The following CDK14 variants were observed in gnomAD, a reference collection of about 807,000 sequenced individuals.
CDK14 encodes the protein cyclin-dependent kinase 14.
Under a neutral mutation model 60.7 loss-of-function variants are expected in CDK14, and 34 were observed. The observed-to-expected ratio is 0.56, with a 90% CI of 0.43 to 0.75. The LOEUF is 0.75. CDK14 is among the 30% of genes least tolerant of loss of function. The probability of loss-of-function intolerance (pLI) is 0.00; values close to 1 mark genes in which losing one functional copy is unlikely to be tolerated. For synonymous variants in CDK14, 197 were observed against 203.7 expected (o/e 0.97, Z 0.28); for missense variants, 482 against 564.1 (o/e 0.85, Z 1.47).
At chr7:90,847,762 A>G (rs10275241) in intron 5 of CDK14, among the ~76,000 whole-genome samples, 109,844 of 152,136 alleles carry the variant, frequency 0.72, 39,860 homozygotes, top group East Asian at 0.89. Flanking sequence ...CTAATATTTT[A>G]CTGTTTATGA....
intron 11 of CDK14, among the ~76,000 whole-genome samples, chr7:91,051,784 G>C (rs1301702061): frequency 6.6e-5 from 10 of 152,264 alleles, no homozygotes; most frequent in Middle Eastern, 3.4e-3. Flanking sequence ...ATAATGAGAG[G>C]CTCCCCTATG....
At chr7:91,031,088 G>C (rs1284187368) in intron 10 of CDK14, among the ~76,000 whole-genome samples, 2 of 152,166 alleles carry the variant, frequency 1.3e-5, no homozygotes, top group Non-Finnish European at 2.9e-5. Flanking sequence ...TCAGCCAGTG[G>C]ACTAACCACC....
intron 14 of CDK14, among the ~76,000 whole-genome samples, chr7:91,191,769 A>G (rs1283574753): frequency 6.6e-6 from 1 of 152,032 alleles, no homozygotes; most frequent in South Asian, 2.1e-4. Flanking sequence ...CAGAAAATGT[A>G]TGTATGCTTT....
At chr7:90,699,750 T>A (rs376210403) in intron 2 of CDK14, among the ~76,000 whole-genome samples, 8 of 152,328 alleles carry the variant, frequency 5.3e-5, no homozygotes, top group African/African-American at 1.9e-4. Flanking sequence ...CAGGTGGTCC[T>A]GCCAGGGCTG....
Position 91,181,462 on chromosome 7 carries a change from G to A in CDK14, c.*29-25703G>A, listed in dbSNP as rs185937367. Among the ~76,000 whole-genome samples, 9 of 152,064 alleles carry A rather than the reference G, an allele frequency of 5.9e-5. No homozygotes were observed. In the East Asian group the frequency reaches 1.7e-3, roughly 29 times the overall value. On this transcript the variant is annotated intron_variant, in intron 14 of 14. Coordinates refer to ENST00000380050, the MANE Select transcript of CDK14 (RefSeq NM_001287135.2). ...TGTGATGGTGATGTATATTTCTGTA[G>A]CTGTTAGTGATCATTTCCTAGATCC... is the stretch of plus-strand genomic sequence containing the variant.
intron 14 of CDK14, among the ~76,000 whole-genome samples, chr7:91,173,771 C>T (rs1249119679): frequency 2.6e-5 from 4 of 152,302 alleles, no homozygotes; most frequent in South Asian, 4.1e-4. Context: ...CGGCTCACCA[C>T]GAGATTATAT....
At chr7:90,938,719 C>T (rs994840370) in intron 8 of CDK14, among the ~76,000 whole-genome samples, 6 of 152,042 alleles carry the variant, frequency 3.9e-5, no homozygotes, top group African/African-American at 1.5e-4. Flanking sequence ...GTGAAGTTGC[C>T]AGTAGTTGAA....
intron 5 of CDK14, among the ~76,000 whole-genome samples, chr7:90,818,326 G>A (rs17163253): frequency 0.015 from 2,341 of 152,234 alleles, 50 homozygotes; most frequent in African/African-American, 0.052. Context: ...TACATCACAC[G>A]ATGGAAAAAT....
At chr7:90,961,311 A>G (rs1196188748) in intron 9 of CDK14, among the ~76,000 whole-genome samples, 1 of 152,210 alleles carries the variant, frequency 6.6e-6, no homozygotes, top group East Asian at 1.9e-4. Flanking sequence ...CTCTCCTGAC[A>G]TTGTTTTAAG....
chr7:91,016,592 G>C (rs1220901632), intron 10 of CDK14, among the ~76,000 whole-genome samples: 1 of 152,176 alleles, frequency 6.6e-6, no homozygotes, highest in South Asian at 2.1e-4. Flanking sequence ...TTCAGATGTT[G>C]AGGGAGTACT....
chr7:90,644,007 G>A (rs1238030018), intron 2 of CDK14, among the ~76,000 whole-genome samples: 1 of 152,280 alleles, frequency 6.6e-6, no homozygotes, highest in South Asian at 2.1e-4. Context: ...TATGGAAGTA[G>A]TTAAAATTAA....
chr7:90,959,499 T>C (rs909299725), intron 9 of CDK14, among the ~76,000 whole-genome samples: 2 of 152,132 alleles, frequency 1.3e-5, no homozygotes, highest in South Asian at 2.1e-4. Context: ...GAGTCATGGC[T>C]CAGCTGCAGC....
chr7:90,867,429 A>G (rs1361053674), intron 6 of CDK14, among the ~76,000 whole-genome samples: 2 of 152,222 alleles, frequency 1.3e-5, no homozygotes, highest in African/African-American at 2.4e-5. Flanking sequence ...AATTTAAAAC[A>G]GATCCCATCA....
chr7:90,962,703 A>G (rs951437498), intron 9 of CDK14, among the ~76,000 whole-genome samples: 3 of 152,172 alleles, frequency 2.0e-5, no homozygotes, highest in Admixed American at 6.6e-5. Context: ...TTTTAAATCA[A>G]TGTTTGCAAA....
At chr7:90,956,045 A>G (rs1794400003) in intron 9 of CDK14, among the ~76,000 whole-genome samples, 1 of 152,116 alleles carries the variant, frequency 6.6e-6, no homozygotes, top group South Asian at 2.1e-4. Context: ...GGGCAGAGAC[A>G]TTTTTCTAAC....
intron 3 of CDK14, among the ~76,000 whole-genome samples, chr7:90,741,929 C>T (rs1225293657): frequency 2.0e-5 from 3 of 151,898 alleles, no homozygotes; most frequent in Non-Finnish European, 4.4e-5. Context: ...GGATTTTTCT[C>T]TTATGTAGTG....
chr7:90,793,792 G>A (rs1026910865), intron 5 of CDK14, among the ~76,000 whole-genome samples: 4 of 152,126 alleles, frequency 2.6e-5, no homozygotes, highest in African/African-American at 9.7e-5. Context: ...TTATTTGAAC[G>A]CAGCACTCCA....
At chr7:90,921,737 G>C (rs1247311856) in intron 8 of CDK14, among the ~76,000 whole-genome samples, 1 of 152,000 alleles carries the variant, frequency 6.6e-6, no homozygotes, top group Non-Finnish European at 1.5e-5. Flanking sequence ...TTTATTGACT[G>C]TCGTGGTGGA....
chr7:90,667,444 T>C (rs1801005629), intron 2 of CDK14, among the ~76,000 whole-genome samples: 1 of 152,200 alleles, frequency 6.6e-6, no homozygotes, highest in African/African-American at 2.4e-5. Flanking sequence ...CCCATTTTTT[T>C]CTCCCTCCAC....
Sources: allele counts gnomAD v4.1 joint callset (sites outside exome capture counted in the v4.1 genomes callset), GRCh38; gene constraint gnomAD v4.1.1; transcripts MANE v1.5; gene names NCBI Gene and HGNC (gene_info 2026-07-23, HGNC 2026-07-21).